The following PIGN variants were observed in gnomAD, a reference collection of about 807,000 sequenced individuals.
PIGN encodes GPI ethanolamine phosphate transferase 1.
PIGN carries 117 observed loss-of-function variants against 125.4 expected under a neutral mutation model. The ratio of observed to expected loss-of-function variants is 0.93; its 90% confidence interval spans 0.80 to 1.09. The LOEUF (loss-of-function observed/expected upper bound fraction) is 1.09, where lower values mean the gene tolerates loss of function less well. Ranked by LOEUF, PIGN falls within the 50% of genes least tolerant of loss-of-function variation. The probability of loss-of-function intolerance (pLI) is 0.00; values close to 1 mark genes in which losing one functional copy is unlikely to be tolerated. For missense variants in PIGN, 1,075 were observed against 1,094.9 expected (o/e 0.98, Z 0.26); for synonymous variants, 392 against 377.8 (o/e 1.04, Z -0.44).
chr18:62,107,116 T>C (rs780967156), intron 17 of PIGN, 31 bp from the exon 18 acceptor site: 2 of 1,351,450 alleles, frequency 1.5e-6, no homozygotes, highest in Non-Finnish European at 2.1e-6. Context: ...GATTGAATTT[T>C]AAAGTTAGGT....
At chr18:62,146,560 G>A (rs1167855475) in intron 9 of PIGN, among the ~76,000 whole-genome samples, 3 of 152,074 alleles carry the variant, frequency 2.0e-5, no homozygotes, top group Admixed American at 6.6e-5. Flanking sequence ...GCTTTATTTT[G>A]TTCTCTGTGC....
At chr18:62,137,137 G>A (rs1351896194) in intron 14 of PIGN, 1 of 398,502 alleles carries the variant, frequency 2.5e-6, no homozygotes, top group Non-Finnish European at 4.4e-6. Context: ...GCAGAAGAAT[G>A]TGGAATGAGC....
chr18:62,033,293 C>A (rs1385554164), intron 23 of PIGN, among the ~76,000 whole-genome samples: 2 of 152,172 alleles, frequency 1.3e-5, no homozygotes, highest in Non-Finnish European at 2.9e-5. Context: ...GGCTTGTCTA[C>A]ATAAAATCAC....
At chr18:62,175,941 C>T (rs1222263538) in intron 1 of PIGN, among the ~76,000 whole-genome samples, 5 of 133,982 alleles carry the variant, frequency 3.7e-5, no homozygotes, top group African/African-American at 1.1e-4. Flanking sequence ...CCCTAGGTAT[C>T]TTAGGAACCA....
chr18:62,087,922 A>C (rs1181976874), intron 25 of PIGN, among the ~76,000 whole-genome samples: 2 of 152,208 alleles, frequency 1.3e-5, no homozygotes, highest in Admixed American at 6.5e-5. Context: ...AAGATGAATA[A>C]GGTCTGGAGA....
intron 17 of PIGN, 37 bp downstream of exon 17, chr18:62,109,797 G>A (rs762513270): frequency 1.3e-6 from 2 of 1,566,142 alleles, no homozygotes; most frequent in South Asian, 2.4e-5. Context: ...AACTGTCAAT[G>A]AAGTGAAAAA....
intron 30 of PIGN, among the ~76,000 whole-genome samples, chr18:62,068,437 T>G (rs888933075): frequency 6.6e-6 from 1 of 152,190 alleles, no homozygotes; most frequent in Admixed American, 6.5e-5. Context: ...CTTCTCCCAC[T>G]CTTTTCATTT....
chr18:62,086,051 A>C (rs2033682590), intron 25 of PIGN, among the ~76,000 whole-genome samples: 1 of 152,236 alleles, frequency 6.6e-6, no homozygotes, highest in Non-Finnish European at 1.5e-5. Context: ...GATTCAACGA[A>C]TCATCTAAGC....
intron 23 of PIGN, among the ~76,000 whole-genome samples, chr18:62,021,482 T>C (rs2030054387): frequency 1.3e-5 from 2 of 152,242 alleles, no homozygotes; most frequent in Non-Finnish European, 1.5e-5. Context: ...TTCTCTGAGC[T>C]GCAGTCCCAC....
chr18:62,038,655 G>A (rs539664522), downstream of PIGN, among the ~76,000 whole-genome samples: 27 of 152,262 alleles, frequency 1.8e-4, no homozygotes, highest in African/African-American at 6.5e-4. Context: ...ATAATTGGCT[G>A]GGCACAGTGG....
intron 8 of PIGN, among the ~76,000 whole-genome samples, chr18:62,147,494 A>T (rs2036377146): frequency 6.6e-6 from 1 of 152,212 alleles, no homozygotes. Flanking sequence ...ATAAAATATA[A>T]TATCATGTTT....
At position 62,082,681 on chromosome 18, in the gene PIGN, C is replaced by G. The variant is rs539259082; in HGVS notation, c.2568G>C (p.Ser856=). The stretch of plus-strand genomic sequence containing the variant: ...AAACTAATTCATCTTACCTTTTTGA[C>G]GATAACTGAGTAGTCAACTGAACTG... ...FEAVQLTTQL[S]SKSLFLIVLV... The change falls in exon 28 of 31, where the codon TCG becomes TCC. Residue 856 remains serine, a synonymous_variant. Transcript: ENST00000640252. 1.2e-5 allele frequency: 18 copies of G among 1,527,692 alleles called. No individual in the cohort carries two copies. Among genetic ancestry groups the G allele is most frequent in the South Asian group, 6.0e-5 (5 of 83,032 alleles). 94.6% of individuals were successfully genotyped at this position (1,527,692 alleles called of 1,614,324 possible). A position where few individuals can be genotyped will look rare whatever the true frequency, so the allele number is the denominator to read the frequency against.
intron 1 of PIGN, among the ~76,000 whole-genome samples, chr18:62,171,681 T>C (rs2037349566): frequency 6.6e-6 from 1 of 152,174 alleles, no homozygotes; most frequent in African/African-American, 2.4e-5. Flanking sequence ...ATACTTTTTG[T>C]TGTATCTACT....
chr18:62,034,477 C>T (rs2030232328), intron 23 of PIGN, among the ~76,000 whole-genome samples: 1 of 152,204 alleles, frequency 6.6e-6, no homozygotes, highest in Admixed American at 6.5e-5. Flanking sequence ...ACACTCAATG[C>T]CAGCCCATGA....
Position 62,027,589 on chromosome 18 carries a change from G to A in PIGN, c.2143-9848C>T, listed in dbSNP as rs555497341. ...CACGGTTGCATTCTTTTGAGTTTCT[G>A]ACGAACCTCTCCAAAGGAGGCAACC... On this transcript the variant is annotated intron_variant, in intron 23 of 24. Coordinates refer to the PIGN transcript ENST00000639600. Among the ~76,000 whole-genome samples the A allele has an allele frequency of 4.6e-5, 7 of 152,324 alleles. No individual in the cohort carries two copies. In the East Asian group the frequency reaches 9.6e-4, roughly 21 times the overall value.
chr18:62,056,079 C>T (rs896119020), intron 30 of PIGN, among the ~76,000 whole-genome samples: 2 of 138,952 alleles, frequency 1.4e-5, no homozygotes, highest in Admixed American at 7.0e-5. Flanking sequence ...AGGCAAAAAC[C>T]GCAATTACTT....
chr18:62,109,523 T>C (rs1348174925), intron 17 of PIGN, among the ~76,000 whole-genome samples: 1 of 152,220 alleles, frequency 6.6e-6, no homozygotes, highest in Middle Eastern at 3.2e-3. Context: ...CAAGTTAGTC[T>C]AGGCATAGTA....
chr18:62,108,621 C>G (rs1293189291), intron 17 of PIGN, among the ~76,000 whole-genome samples: 2 of 150,710 alleles, frequency 1.3e-5, no homozygotes, highest in Admixed American at 1.3e-4. Flanking sequence ...GACAGAGTCT[C>G]ACTCTGTCGC....
At chr18:62,183,352 C>G (rs2037784524) in intron 1 of PIGN, among the ~76,000 whole-genome samples, 1 of 152,116 alleles carries the variant, frequency 6.6e-6, no homozygotes, top group Non-Finnish European at 1.5e-5. Flanking sequence ...TAGCCTCTGC[C>G]TTCTTTTCTA....
Sources: allele counts gnomAD v4.1 joint callset (sites outside exome capture counted in the v4.1 genomes callset), GRCh38; gene constraint gnomAD v4.1.1; transcripts MANE v1.5; gene names NCBI Gene and HGNC (gene_info 2026-07-23, HGNC 2026-07-21).